Variants in SDC2 observed in about 807,000 individuals in gnomAD.
The protein encoded by SDC2 is syndecan 2.
Under a neutral mutation model 22.2 loss-of-function variants are expected in SDC2, and 13 were observed. That is an observed-to-expected ratio of 0.59 (90% CI 0.38 to 0.93). The LOEUF is 0.93. Ranked by LOEUF, SDC2 falls within the 40% of genes least tolerant of loss-of-function variation. The probability of loss-of-function intolerance (pLI) is 0.00; values close to 1 mark genes in which losing one functional copy is unlikely to be tolerated. For synonymous variants in SDC2, 94 were observed against 92.8 expected (o/e 1.01, Z -0.07); for missense variants, 235 against 246.8 (o/e 0.95, Z 0.32).
At chr8:96,495,528 C>G (rs1305225110) in intron 1 of SDC2, among the ~76,000 whole-genome samples, 3 of 152,230 alleles carry the variant, frequency 2.0e-5, no homozygotes, top group Non-Finnish European at 4.4e-5. Context: ...GGGAGTGCGG[C>G]TGTTTCTGGC....
At chr8:96,557,998 A>G (rs768802607) in intron 1 of SDC2, among the ~76,000 whole-genome samples, 7 of 152,256 alleles carry the variant, frequency 4.6e-5, no homozygotes, top group Middle Eastern at 3.4e-3. Flanking sequence ...CCATGTCTAC[A>G]TTTAGGGTAC....
chr8:96,575,924 T>C (rs1293153191), intron 1 of SDC2, among the ~76,000 whole-genome samples: 1 of 152,196 alleles, frequency 6.6e-6, no homozygotes, highest in Non-Finnish European at 1.5e-5. Context: ...CTGGATTTGT[T>C]TTCTGCCCTT....
Position 96,559,859 on chromosome 8 carries a change from G to A in SDC2, c.61-33621G>A, listed in dbSNP as rs571783985. 1.9e-4 allele frequency among the ~76,000 whole-genome samples: 29 copies of A among 152,142 alleles called. No homozygotes were observed. In the South Asian group the frequency reaches 4.8e-3, roughly 25 times the overall value. Reference sequence around the variant, plus strand: ...AATGTGAAATGAATTGTCTGTTTTGGAACAAAACACCTAGGCTAAATTTAC... The same window carrying A: ...AATGTGAAATGAATTGTCTGTTTTGAAACAAAACACCTAGGCTAAATTTAC... On this transcript the variant is annotated intron_variant, in intron 1 of 4. Transcript: ENST00000302190.
At chr8:96,541,439 G>A (rs1043560445) in intron 1 of SDC2, among the ~76,000 whole-genome samples, 9 of 150,930 alleles carry the variant, frequency 6.0e-5, no homozygotes, top group African/African-American at 7.4e-5. Flanking sequence ...CCCGGGAGGC[G>A]GAGGTTGCAG....
intron 1 of SDC2, among the ~76,000 whole-genome samples, chr8:96,555,691 C>G (rs559783468): frequency 7.1e-4 from 108 of 152,294 alleles, no homozygotes; most frequent in African/African-American, 2.5e-3. Context: ...TGAACATTTT[C>G]AGAAAATGGG....
Position 96,609,710 on chromosome 8 carries a change from T to C in SDC2, c.*162T>C. On this transcript the variant is annotated 3_prime_UTR_variant, in exon 5 of 5. Coordinates refer to ENST00000302190, the MANE Select transcript of SDC2 (RefSeq NM_002998.4). ...ATTTAAAACATTTCATGTATTTCTTTAGAACAACATAAAATTAAAATTTAA... is the reference window on the plus strand; with the variant it reads ...ATTTAAAACATTTCATGTATTTCTTCAGAACAACATAAAATTAAAATTTAA... 2.1e-6 allele frequency: 1 copy of C among 475,884 alleles called. No individual in the cohort carries two copies. The highest frequency in any genetic ancestry group is 3.4e-5 in the East Asian group (1 of 29,292). The allele number at this position is 475,884 out of a possible 1,614,324, so 29.5% of individuals were successfully genotyped here.
chr8:96,514,263 G>A (rs747065015), intron 1 of SDC2, among the ~76,000 whole-genome samples: 1 of 152,146 alleles, frequency 6.6e-6, no homozygotes, highest in Non-Finnish European at 1.5e-5. Flanking sequence ...AGAGCAGTGA[G>A]TGCCTGGGAG....
chr8:96,593,430 G>A (rs1258507402), intron 1 of SDC2, 50 bp from the exon 2 acceptor site: 5 of 1,224,838 alleles, frequency 4.1e-6, no homozygotes, highest in Admixed American at 3.4e-5. Context: ...ATATACAAGT[G>A]TGTTTCTTAA....
At chr8:96,567,877 G>T (rs1814326685) in intron 1 of SDC2, among the ~76,000 whole-genome samples, 1 of 152,162 alleles carries the variant, frequency 6.6e-6, no homozygotes, top group East Asian at 1.9e-4. Context: ...CAATGTGCAG[G>T]CAGTTATTAT....
intron 1 of SDC2, among the ~76,000 whole-genome samples, chr8:96,520,877 G>GAC (rs1437988011): frequency 6.6e-6 from 1 of 152,140 alleles, no homozygotes; most frequent in African/African-American, 2.4e-5. Context: ...TTTTCCCCTG[G>GAC]ACACCCAGGG....
intron 1 of SDC2, among the ~76,000 whole-genome samples, chr8:96,590,028 A>G (rs1048355072): frequency 6.6e-6 from 1 of 152,238 alleles, no homozygotes; most frequent in African/African-American, 2.4e-5. Context: ...CTATGGAGGC[A>G]GTGTAGTGCT....
intron 1 of SDC2, among the ~76,000 whole-genome samples, chr8:96,505,127 G>A (rs1164234303): frequency 6.6e-6 from 1 of 152,096 alleles, no homozygotes; most frequent in African/African-American, 2.4e-5. Context: ...AGTCACGCAA[G>A]TTATGATGCT....
chr8:96,599,790 A>G (rs748432171), intron 2 of SDC2, among the ~76,000 whole-genome samples: 2 of 152,222 alleles, frequency 1.3e-5, no homozygotes, highest in African/African-American at 2.4e-5. Context: ...TTTCTTCTGT[A>G]TAATAATGAA....
chr8:96,569,194 A>C (rs1814350631), intron 1 of SDC2, among the ~76,000 whole-genome samples: 2 of 152,162 alleles, frequency 1.3e-5, no homozygotes, highest in African/African-American at 4.8e-5. Context: ...TGTTTTGTAG[A>C]GACAGGGTCT....
chr8:96,604,272 G>T (rs1306324967), intron 3 of SDC2, among the ~76,000 whole-genome samples: 1 of 152,096 alleles, frequency 6.6e-6, no homozygotes, highest in East Asian at 1.9e-4. Flanking sequence ...TTTAAAAATT[G>T]GTTTTAAGGA....
chr8:96,557,998 A>T (rs768802607), intron 1 of SDC2, among the ~76,000 whole-genome samples: 11 of 152,138 alleles, frequency 7.2e-5, no homozygotes, highest in Admixed American at 7.2e-4. Flanking sequence ...CCATGTCTAC[A>T]TTTAGGGTAC....
chr8:96,573,806 C>A (rs190295239), intron 1 of SDC2, among the ~76,000 whole-genome samples: 7 of 152,208 alleles, frequency 4.6e-5, no homozygotes, highest in South Asian at 2.1e-4. Context: ...TCTCCTTGAA[C>A]ATCCCTCATT....
At chr8:96,566,284 A>G (rs1009949242) in intron 1 of SDC2, among the ~76,000 whole-genome samples, 1 of 152,260 alleles carries the variant, frequency 6.6e-6, no homozygotes, top group Non-Finnish European at 1.5e-5. Context: ...TTGAGAATTC[A>G]TGAACTGAAA....
At chr8:96,582,677 G>A (rs1400826415) in intron 1 of SDC2, among the ~76,000 whole-genome samples, 2 of 152,192 alleles carry the variant, frequency 1.3e-5, no homozygotes, top group Non-Finnish European at 2.9e-5. Context: ...TGAGTTAGGT[G>A]TAATAGATTG....
Sources: gnomAD v4.1 joint callset for allele counts (sites outside exome capture counted in the v4.1 genomes callset) on GRCh38, gnomAD v4.1.1 for gene constraint, MANE v1.5 for transcripts, NCBI Gene and HGNC (gene_info 2026-07-23, HGNC 2026-07-21) for gene names.